CASZ1: variants seen among roughly 807,000 people sequenced by gnomAD.
The protein encoded by CASZ1 is zinc finger protein castor homolog 1.
Under a neutral mutation model 135.2 loss-of-function variants are expected in CASZ1, and 28 were observed. That is an observed-to-expected ratio of 0.21 (90% CI 0.15 to 0.28). The LOEUF (loss-of-function observed/expected upper bound fraction) is 0.28, where lower values mean the gene tolerates loss of function less well. CASZ1 is among the 10% of genes least tolerant of loss of function. The probability of loss-of-function intolerance (pLI) is 1.00; values close to 1 mark genes in which losing one functional copy is unlikely to be tolerated. For missense variants in CASZ1, 2,161 were observed against 2,453.3 expected (o/e 0.88, Z 2.52); for synonymous variants, 1,068 against 1,073.4 (o/e 0.99, Z 0.10).
At chr1:10,654,639 T>G in intron 9 of CASZ1, 48 bp from the exon 10 acceptor site, 1 of 1,582,852 alleles carries the variant, frequency 6.3e-7, no homozygotes, top group Non-Finnish European at 8.6e-7. Flanking sequence ...CAGGTGCTCC[T>G]GGGCCGAGGT....
Position 10,720,579 on chromosome 1 carries a change from T to C in CASZ1, c.-76-15035A>G, listed in dbSNP as rs962898745. ...GCAGTCCCATTTGCCTATCAAAAAC[T>C]GTACATTCGCTCGGCTTTCCACGGG... On this transcript the variant is annotated intron_variant, in intron 2 of 20. Transcript: ENST00000377022. This position sits in a 1 kb window ranked among gnomAD's most constrained non-coding sequence, Gnocchi z 5.7. 3.9e-5 allele frequency among the ~76,000 whole-genome samples: 6 copies of C among 152,218 alleles called. No homozygotes were observed. Among genetic ancestry groups the C allele is most frequent in the Non-Finnish European group, 8.8e-5 (6 of 68,034 alleles).
At chr1:10,662,820 G>A (rs1161692273) in intron 5 of CASZ1, among the ~76,000 whole-genome samples, 1 of 152,170 alleles carries the variant, frequency 6.6e-6, no homozygotes, top group African/African-American at 2.4e-5. Flanking sequence ...TGCCTCTGCA[G>A]ACATACAGGT....
intron 2 of CASZ1, among the ~76,000 whole-genome samples, chr1:10,736,590 G>A (rs552081757): frequency 6.6e-5 from 10 of 152,316 alleles, no homozygotes; most frequent in South Asian, 2.1e-4. Flanking sequence ...CCAGCAAAGC[G>A]TGATCACTCC....
Position 10,653,505 on chromosome 1 carries a change from G to A in CASZ1, c.2552C>T (p.Ala851Val), listed in dbSNP as rs753962177. Residue 851 changes from alanine to valine, a missense_variant, in exon 11 of 21, where the codon GCT (alanine) becomes GTT (valine). Physicochemically the swap from Ala to Val is moderately conservative, Grantham distance 64. This residue lies in a region of CASZ1 where 406 missense variants were observed against 387.6 expected (regional missense o/e 1.05). Transcript: ENST00000377022. ...ASGAGDSAPV[A>V]AASVPAPPAS... Reference sequence around the variant, plus strand: ...GGGTGGTGCCGGGACAGAGGCGGCAGCCACGGGGGCTGAGTCTCCAGCTCC... The same window carrying A: ...GGGTGGTGCCGGGACAGAGGCGGCAACCACGGGGGCTGAGTCTCCAGCTCC... The A allele has an allele frequency of 1.2e-6, 2 of 1,610,468 alleles. No homozygotes were observed. Among genetic ancestry groups the A allele is most frequent in the Non-Finnish European group, 8.5e-7 (1 of 1,178,106 alleles).
intron 2 of CASZ1, among the ~76,000 whole-genome samples, chr1:10,752,342 C>T (rs1360234984): frequency 6.6e-6 from 1 of 152,220 alleles, no homozygotes; most frequent in Non-Finnish European, 1.5e-5. Context: ...TTCAGGTGGC[C>T]TCCTCTGGAG....
Position 10,701,028 on chromosome 1 carries a change from G to A in CASZ1, c.-24+4464C>T, listed in dbSNP as rs2100431653. Reference sequence around the variant, plus strand: ...CCCGCACACAGTCAGTGCTCAATAAGGATTAGCTGTTAATATGGATCAGTC... The same window carrying A: ...CCCGCACACAGTCAGTGCTCAATAAAGATTAGCTGTTAATATGGATCAGTC... On this transcript the variant is annotated intron_variant, in intron 3 of 20. Transcript: ENST00000377022. The surrounding 1 kb of genome is among the most constrained non-coding windows in gnomAD (Gnocchi z 6.3). 1.3e-5 allele frequency among the ~76,000 whole-genome samples: 2 copies of A among 152,326 alleles called. No individual in the cohort carries two copies. The highest frequency in any genetic ancestry group is 2.1e-4 in the South Asian group (1 of 4,824).
chr1:10,682,725 A>G (rs557026404), intron 4 of CASZ1, among the ~76,000 whole-genome samples: 13 of 152,224 alleles, frequency 8.5e-5, no homozygotes, highest in Admixed American at 7.2e-4. Context: ...AAACATCTCC[A>G]TCTCCTTCTC....
In CASZ1 at chr1:10,717,434, C is replaced by A. The variant is rs1276573992; in HGVS notation, c.-76-11890G>T. On this transcript the variant is annotated intron_variant, in intron 2 of 20. Coordinates refer to ENST00000377022, the MANE Select transcript of CASZ1 (RefSeq NM_001079843.3). The surrounding 1 kb of genome is among the most constrained non-coding windows in gnomAD (Gnocchi z 4.6). ...CTATTTATCAGCAGGTTGTGTGGAG[C>A]TGAGTGGTGTGAGCCTCACCCTGCT... 6.6e-6 allele frequency among the ~76,000 whole-genome samples: 1 copy of A among 151,866 alleles called. No homozygotes were observed. Among genetic ancestry groups the A allele is most frequent in the Non-Finnish European group, 1.5e-5 (1 of 67,976 alleles).
intron 2 of CASZ1, among the ~76,000 whole-genome samples, chr1:10,733,599 C>T (rs551685661): frequency 2.0e-5 from 3 of 152,274 alleles, no homozygotes; most frequent in South Asian, 2.1e-4. Flanking sequence ...AACTCAGGGA[C>T]GGGCACTGAG....
In CASZ1 at chr1:10,739,637, A is replaced by G. The variant is rs141157587; in HGVS notation, c.-77+21064T>C. ...TGTCGTTGATCAAAACAACAGGGCC[A>G]CCAGCTCCTCAAGAGTCCAAGCTAT... is the stretch of plus-strand genomic sequence containing the variant. On this transcript the variant is annotated intron_variant, in intron 2 of 20. Transcript: ENST00000377022. This position sits in a 1 kb window ranked among gnomAD's most constrained non-coding sequence, Gnocchi z 4.8. Among the ~76,000 whole-genome samples, 15 of 152,284 alleles carry G rather than the reference A, an allele frequency of 9.9e-5. No homozygotes were observed. Among genetic ancestry groups the G allele is most frequent in the Non-Finnish European group, 1.9e-4 (13 of 68,024 alleles).
At chr1:10,782,681 G>C (rs1221973143) in intron 1 of CASZ1, among the ~76,000 whole-genome samples, 1 of 152,114 alleles carries the variant, frequency 6.6e-6, no homozygotes, top group African/African-American at 2.4e-5. Flanking sequence ...GTACAGCTGG[G>C]TCTAGAGTTG....
rs74357807 is a variant in CASZ1, at chr1:10,711,848, G to T, written c.-76-6304C>A. The stretch of plus-strand genomic sequence containing the variant: ...AGACACAATAGGCCACAAGTTGTAT[G>T]ATTCCATTAATATGGAATATCCGGA... On this transcript the variant is annotated intron_variant, in intron 2 of 20. Transcript: ENST00000377022. This position sits in a 1 kb window ranked among gnomAD's most constrained non-coding sequence, Gnocchi z 4.4. Among the ~76,000 whole-genome samples the T allele has an allele frequency of 6.6e-6, 1 of 152,174 alleles. No individual in the cohort carries two copies. The highest frequency in any genetic ancestry group is 1.5e-5 in the Non-Finnish European group (1 of 68,026).
rs1003235616 is a variant in CASZ1 at position 10,724,694 on chromosome 1, C to T, written c.-76-19150G>A. Among the ~76,000 whole-genome samples, 4 of 152,184 alleles carry T rather than the reference C, an allele frequency of 2.6e-5. No individual in the cohort carries two copies. The highest frequency in any genetic ancestry group is 2.1e-4 in the South Asian group (1 of 4,834). Reference sequence around the variant, plus strand: ...GAGCTCCAAGGTTGCCCCTGGTCTTCGCTCAGAGGGGCACCCCAAGGGCAC... The same window carrying T: ...GAGCTCCAAGGTTGCCCCTGGTCTTTGCTCAGAGGGGCACCCCAAGGGCAC... On this transcript the variant is annotated intron_variant, in intron 2 of 20. Coordinates refer to ENST00000377022, the MANE Select transcript of CASZ1 (RefSeq NM_001079843.3). This position sits in a 1 kb window ranked among gnomAD's most constrained non-coding sequence, Gnocchi z 4.1.
intron 1 of CASZ1, among the ~76,000 whole-genome samples, chr1:10,790,900 G>T (rs890602565): frequency 2.6e-5 from 4 of 151,972 alleles, no homozygotes; most frequent in Admixed American, 6.6e-5. Context: ...TAAAGTTTGG[G>T]GGGGGACATC....
intron 3 of CASZ1, among the ~76,000 whole-genome samples, chr1:10,703,605 G>A (rs145856738): frequency 3.9e-5 from 6 of 152,176 alleles, no homozygotes; most frequent in East Asian, 1.9e-4. Flanking sequence ...GCCAGTCCAC[G>A]ACCTGTGGGG....
intron 4 of CASZ1, among the ~76,000 whole-genome samples, chr1:10,677,529 C>G (rs1297129372): frequency 6.6e-6 from 1 of 152,184 alleles, no homozygotes; most frequent in Admixed American, 6.5e-5. Context: ...GCAGCCTGCA[C>G]TTAGGTCCAA....
At chr1:10,714,396 A>G (rs1205588573) in intron 2 of CASZ1, among the ~76,000 whole-genome samples, 1 of 152,260 alleles carries the variant, frequency 6.6e-6, no homozygotes, top group Non-Finnish European at 1.5e-5. Flanking sequence ...CAGCACAGCT[A>G]GGATGAGGCA....
intron 2 of CASZ1, among the ~76,000 whole-genome samples, chr1:10,731,393 G>A (rs1056857856): frequency 1.3e-5 from 2 of 151,970 alleles, no homozygotes; most frequent in Non-Finnish European, 1.5e-5. Flanking sequence ...GACCAGCCTG[G>A]GAAACACAGT....
intron 11 of CASZ1, chr1:10,651,728 G>C (rs990732676): frequency 6.6e-6 from 1 of 152,316 alleles, no homozygotes; most frequent in Admixed American, 6.5e-5. Flanking sequence ...GCCATCCAGC[G>C]AGCTTTCCCC....
Sources: allele counts gnomAD v4.1 joint callset (sites outside exome capture counted in the v4.1 genomes callset), GRCh38; gene constraint gnomAD v4.1.1; regional missense constraint gnomAD v4.1.1; non-coding constraint Gnocchi (gnomAD v3.1); transcripts MANE v1.5; gene names NCBI Gene and HGNC (gene_info 2026-07-23, HGNC 2026-07-21).